SYVN1: variants seen among roughly 807,000 people sequenced by gnomAD.
SYVN1 encodes synoviolin 1, also known as E3 ubiquitin-protein ligase synoviolin.
A neutral mutation model predicts 62.6 loss-of-function variants in SYVN1; 17 were observed. The observed-to-expected ratio is 0.27, with a 90% CI of 0.19 to 0.41. The LOEUF is 0.41. Ranked by LOEUF, SYVN1 falls within the 10% of genes least tolerant of loss-of-function variation. The pLI is 1.00. For synonymous variants in SYVN1, 316 were observed against 304.0 expected, an observed-to-expected ratio of 1.04 and a Z score of -0.41; for missense variants, 634 against 818.0, an observed-to-expected ratio of 0.78 and a Z score of 2.74.
At position 65,129,856 on chromosome 11, in the gene SYVN1, G is replaced by A. The variant is rs1475227714; in HGVS notation, c.1468C>T (p.Arg490Ter). ...GFAGLTPEELRALEGHERQHL... is the reference protein window; with the variant it reads ...GFAGLTPEEL ...TGCCGCTCATGGCCCTCCAGAGCTC[G>A]TAGCTCCTCTGGGGTCAGCCCAGCA... The change falls in exon 14 of 16, where the codon CGA becomes TGA. Residue 490 changes from arginine (R) to a stop codon, truncating the protein, a stop_gained. Transcript: ENST00000377190. LOFTEE classifies it high-confidence loss of function. 4 of 1,614,000 alleles carry A rather than the reference G, an allele frequency of 2.5e-6. No homozygotes were observed. Among genetic ancestry groups the A allele is most frequent in the Non-Finnish European group, 3.4e-6 (4 of 1,180,038 alleles).
chr11:65,132,164 G>T, intron 6 of SYVN1, 84 bp downstream of exon 6: 1 of 1,092,538 alleles, frequency 9.2e-7, no homozygotes, highest in Non-Finnish European at 1.4e-6. Context: ...CATAGCAGGT[G>T]CTGAGGAAGG....
chr11:65,132,752 A>C lies in SYVN1; in HGVS notation c.407T>G (p.Leu136Arg), dbSNP rs753398724. 6 of 1,613,934 alleles carry C rather than the reference A, an allele frequency of 3.7e-6. No individual in the cohort carries two copies. Among genetic ancestry groups the C allele is most frequent in the Non-Finnish European group, 2.5e-6 (3 of 1,180,018 alleles). ...CTCACAGACAATGCGGCAGTGAAAG[A>C]GCCAGGAGATGTTGGGGCTGCGTTC... Reference protein sequence around the residue: ...FMERSPNISWLFHCRIVSLMF... With the variant: ...FMERSPNISWRFHCRIVSLMF... The change falls in exon 5 of 16, where the codon CTC becomes CGC. Residue 136 changes from leucine to arginine, a missense_variant. Physicochemically the swap from Leu to Arg is moderately radical, Grantham distance 102 (BLOSUM62 -2). Coordinates refer to ENST00000377190, the MANE Select transcript of SYVN1 (RefSeq NM_172230.3).
Position 65,129,743 on chromosome 11 carries a change from C to A in SYVN1, c.1581G>T (p.Val527=). The A allele has an allele frequency of 6.2e-7, 1 of 1,614,198 alleles. No individual in the cohort carries two copies. Residue 527 remains valine (V), a synonymous_variant, in exon 14 of 16, where the codon GTG becomes GTT. Transcript: ENST00000377190. ...TACAGACACACCCCAAGGAGGCCAG[C>A]ACGGTGAGGTACTGGTTGATCTGCA... ...AMLQINQYLT[V]LASLGPPRPA... is the part of the protein sequence containing the mutation.
At chr11:65,131,673 C>T in intron 6 of SYVN1, 77 bp from the exon 7 acceptor site, 1 of 1,554,284 alleles carries the variant, frequency 6.4e-7, no homozygotes, top group Non-Finnish European at 8.7e-7. Flanking sequence ...CCCAAGGCCT[C>T]TGCACAGCAG....
Position 65,131,588 on chromosome 11 carries a change from G to A in SYVN1, c.540C>T (p.Ile180=). Reference sequence around the variant, plus strand: ...AGATGGTGAGCACCATCGTCATCAGGATGGCATACTGAAGGGAGAGGGGGA... The same window carrying A: ...AGATGGTGAGCACCATCGTCATCAGAATGGCATACTGAAGGGAGAGGGGGA... ...VQLVFGFEYA[I]LMTMVLTIFI... The change falls in exon 7 of 16, where the codon ATC becomes ATT. Residue 180 remains isoleucine, a synonymous_variant. Transcript: ENST00000377190. 2 of 1,613,658 alleles carry A rather than the reference G, an allele frequency of 1.2e-6. No homozygotes were observed. The highest frequency in any genetic ancestry group is 1.7e-6 in the Non-Finnish European group (2 of 1,179,956).
At position 65,128,441 on chromosome 11, in the gene SYVN1, C is replaced by T. The variant is rs762266509; in HGVS notation, c.1795G>A (p.Asp599Asn). 2.2e-5 allele frequency: 35 copies of T among 1,614,154 alleles called. No individual in the cohort carries two copies. In the Admixed American group the frequency reaches 3.3e-4, roughly 15 times the overall value. Residue 599 changes from aspartate (D) to asparagine (N), a missense_variant, in exon 16 of 16, where the codon GAT becomes AAT. Physicochemically the swap from Asp to Asn is conservative, Grantham distance 23. Transcript: ENST00000377190. ...TEEMPEDGEP[D>N]AAELRRRRLQ... is the part of the protein sequence containing the mutation. ...CGGCGCCGGCGGAGCTCTGCTGCAT[C>T]GGGCTCTCCATCCTCAGGCATCTCC...
In SYVN1 at chr11:65,128,112, C is replaced by T; in HGVS notation, c.*270G>A. On this transcript the variant is annotated 3_prime_UTR_variant, in exon 16 of 16. Transcript: ENST00000377190. ...AGAAGAGGGCTTCTCAGAGGCTAAA[C>T]CTTCTGCCTTCATGGCCCCAGCAGA... 1 of 569,002 alleles carries T rather than the reference C, an allele frequency of 1.8e-6. No individual in the cohort carries two copies. Among genetic ancestry groups the T allele is most frequent in the Non-Finnish European group, 3.1e-6 (1 of 319,562 alleles). 35.2% of individuals were successfully genotyped at this position (569,002 alleles called of 1,614,324 possible). A position where few individuals can be genotyped will look rare whatever the true frequency, so the allele number is the denominator to read the frequency against.
At chr11:65,130,516 A>T (rs1948163693) in intron 11 of SYVN1, 137 bp from the exon 12 acceptor site, 3 of 1,400,014 alleles carry the variant, frequency 2.1e-6, no homozygotes, top group African/African-American at 1.4e-5. Context: ...GACTGCAAGC[A>T]TCTATTTCTC....
rs1565350121 is a variant in SYVN1 at position 65,133,450 on chromosome 11, TC to T, written c.132+19del. ...CCTTCCCTCCCAGGGAGTTCCTCCC[TC>T]CCTGAGCCCTGAACTCACTGCCATG... is the stretch of plus-strand genomic sequence containing the variant. On this transcript the variant is annotated intron_variant, in intron 2 of 15. Transcript: ENST00000377190. 1 of 1,612,006 alleles carries T rather than the reference TC, an allele frequency of 6.2e-7. No individual in the cohort carries two copies. The highest frequency in any genetic ancestry group is 1.7e-5 in the Admixed American group (1 of 59,986).
intron 1 of SYVN1, 117 bp from the exon 2 acceptor site, chr11:65,133,735 A>T (rs1307136172): frequency 2.5e-6 from 2 of 815,422 alleles, no homozygotes; most frequent in Non-Finnish European, 3.8e-6. Flanking sequence ...TCGCCCTCGA[A>T]ATCATCAGAC....
At chr11:65,130,895 G>A in intron 10 of SYVN1, 25 bp downstream of exon 10, 1 of 1,613,224 alleles carries the variant, frequency 6.2e-7, no homozygotes, top group South Asian at 1.1e-5. Flanking sequence ...GCCCTGCTGT[G>A]CAGGCTCCCC....
chr11:65,129,909 G>A lies in SYVN1; in HGVS notation c.1415C>T (p.Pro472Leu). 1 of 1,613,486 alleles carries A rather than the reference G, an allele frequency of 6.2e-7. No homozygotes were observed. The highest frequency in any genetic ancestry group is 8.5e-7 in the Non-Finnish European group (1 of 1,179,690). Residue 472 changes from proline (P) to leucine (L), a missense_variant, in exon 14 of 16, where the codon CCC (proline) becomes CTC (leucine). Pro to Leu is a moderately conservative substitution (Grantham distance 98). This residue lies in a region of SYVN1 where 351 missense variants were observed against 373.3 expected (regional missense o/e 0.94). Coordinates refer to ENST00000377190, the MANE Select transcript of SYVN1 (RefSeq NM_172230.3). ...GCCCGCAGGGGGCACAGGCATTGGG[G>A]GGAAGGCTGGAGAGAGAGAGGCTCA... Reference protein sequence around the residue: ...GMPLPPPFAFPPMPVPPAGFA... With the variant: ...GMPLPPPFAFLPMPVPPAGFA...
chr11:65,129,889 C>T lies in SYVN1; in HGVS notation c.1435G>A (p.Ala479Thr), dbSNP rs1374582874. ...FAFPPMPVPP[A>T]GFAGLTPEEL... ...TCTGGGGTCAGCCCAGCAAAGCCCGCAGGGGGCACAGGCATTGGGGGGAAG... is the reference window on the plus strand; with the variant it reads ...TCTGGGGTCAGCCCAGCAAAGCCCGTAGGGGGCACAGGCATTGGGGGGAAG... The change falls in exon 14 of 16, where the codon GCG (alanine) becomes ACG (threonine). Residue 479 changes from alanine (A) to threonine (T), a missense_variant. Physicochemically the swap from Ala to Thr is moderately conservative, Grantham distance 58. Coordinates refer to ENST00000377190, the MANE Select transcript of SYVN1 (RefSeq NM_172230.3). 2.5e-6 allele frequency: 4 copies of T among 1,613,994 alleles called. No individual in the cohort carries two copies. Among genetic ancestry groups the T allele is most frequent in the Non-Finnish European group, 2.5e-6 (3 of 1,179,980 alleles).
intron 5 of SYVN1, 167 bp downstream of exon 5, chr11:65,132,565 G>T: frequency 1.1e-6 from 1 of 897,156 alleles, no homozygotes; most frequent in Admixed American, 2.1e-5. Flanking sequence ...AAAGGGCTGA[G>T]GGCCCAGGCA....
rs764737717 is a variant in SYVN1, at chr11:65,132,959, T to C, written c.341A>G (p.Lys114Arg). ...VALFTLLLFL[K>R]CFHWLAEDRV... ...GTCCTCAGCCAGCCAGTGGAAACAT[T>C]TGAGGAAGAGAAGAAGAGTGAAGAG... is the stretch of plus-strand genomic sequence containing the variant. The change falls in exon 4 of 16, where the codon AAA becomes AGA. Residue 114 changes from lysine (K) to arginine (R), a missense_variant. Physicochemically the swap from Lys to Arg is conservative, Grantham distance 26. Coordinates refer to ENST00000377190, the MANE Select transcript of SYVN1 (RefSeq NM_172230.3). 3.1e-6 allele frequency: 5 copies of C among 1,614,036 alleles called. No homozygotes were observed. Among genetic ancestry groups the C allele is most frequent in the Non-Finnish European group, 4.2e-6 (5 of 1,180,004 alleles).
Position 65,133,462 on chromosome 11 carries a change from G to T in SYVN1, c.132+8C>A. On this transcript the variant is annotated splice_region_variant and intron_variant, in intron 2 of 15. Transcript: ENST00000377190. ...GGGAGTTCCTCCCTCCCTGAGCCCT[G>T]AACTCACTGCCATGCTGGGGCTGGA... The T allele has an allele frequency of 6.2e-7, 1 of 1,613,496 alleles. No homozygotes were observed. Among genetic ancestry groups the T allele is most frequent in the South Asian group, 1.1e-5 (1 of 91,062 alleles).
intron 14 of SYVN1, 172 bp downstream of exon 14, chr11:65,129,557 T>C (rs2137239120): frequency 5.2e-6 from 3 of 579,922 alleles, no homozygotes; most frequent in Non-Finnish European, 9.3e-6. Flanking sequence ...CTTTCTGGAG[T>C]GGGAAATAAA....
At position 65,131,372 on chromosome 11, in the gene SYVN1, G is replaced by A; in HGVS notation, c.660C>T (p.Gly220=). 6.2e-7 allele frequency: 1 copy of A among 1,614,044 alleles called. No homozygotes were observed. The stretch of plus-strand genomic sequence containing the variant: ...CCATGTACAGCAGAACCTTGATGAA[G>A]CCTGAGGGGAGGGGATGCAGAAAGC... ...VYMLYTELFT[G]FIKVLLYMAF... is the part of the protein sequence containing the mutation. The change falls in exon 8 of 16, where the codon GGC becomes GGT. Residue 220 remains glycine, a splice_region_variant and synonymous_variant. Transcript: ENST00000377190.
chr11:65,128,269 C>A lies in SYVN1; in HGVS notation c.*113G>T. On this transcript the variant is annotated 3_prime_UTR_variant, in exon 16 of 16. Coordinates refer to ENST00000377190, the MANE Select transcript of SYVN1 (RefSeq NM_172230.3). ...AGGGGATGCCGCCTCTTTCTCAGAG[C>A]TGGGGGTACTACTCCCTGGTGCAGA... 1.1e-6 allele frequency: 1 copy of A among 880,322 alleles called. No homozygotes were observed. The highest frequency in any genetic ancestry group is 1.5e-5 in the South Asian group (1 of 67,584). 54.5% of individuals were successfully genotyped at this position (880,322 alleles called of 1,614,324 possible).
Sources: gnomAD v4.1 joint callset for allele counts on GRCh38, gnomAD v4.1.1 for gene constraint, gnomAD v4.1.1 regional missense constraint, MANE v1.5 for transcripts, NCBI Gene and HGNC (gene_info 2026-07-23, HGNC 2026-07-21) for gene names.